Variants in SCFD2 observed in about 807,000 individuals in gnomAD.
SCFD2 encodes the protein sec1 family domain containing 2.
Under a neutral mutation model 58.9 loss-of-function variants are expected in SCFD2, and 54 were observed. That is an observed-to-expected ratio of 0.92 (90% CI 0.74 to 1.15). The LOEUF (loss-of-function observed/expected upper bound fraction) is 1.15, where lower values mean the gene tolerates loss of function less well. Ranked by LOEUF, SCFD2 falls within the 50% of genes most tolerant of loss-of-function variation. The pLI, the probability that SCFD2 is intolerant of heterozygous loss-of-function variation, is 0.00. For missense variants in SCFD2, 805 were observed against 836.6 expected, an observed-to-expected ratio of 0.96 and a Z score of 0.47; for synonymous variants, 321 against 335.9, an observed-to-expected ratio of 0.96 and a Z score of 0.49.
intron 4 of SCFD2, among the ~76,000 whole-genome samples, chr4:53,227,127 CTCTTA>C (rs2149001548): frequency 6.6e-6 from 1 of 152,234 alleles, no homozygotes; most frequent in African/African-American, 2.4e-5. Flanking sequence ...CTCCTCTGGC[CTCTTA>C]TCTGAGCATC....
At position 53,365,840 on chromosome 4, in the gene SCFD2, C is replaced by A. The variant is rs201405213; in HGVS notation, c.102G>T (p.Glu34Asp). The change falls in exon 1 of 9, where the codon GAG becomes GAT. Residue 34 changes from glutamate (E) to aspartate (D), a missense_variant. This residue lies in a region of SCFD2 where 155 missense variants were observed against 149.7 expected (regional missense o/e 1.04). Transcript: ENST00000401642. The surrounding 1 kb of genome is among the most constrained non-coding windows in gnomAD (Gnocchi z 4.3). ...AVVYLDAACA[E>D]SLHWGCGSTR... ...TGGATCCGCAGCCCCAGTGCAGGCTCTCGGCGCAGGCGGCGTCCAGGTAAA... is the reference window on the plus strand; with the variant it reads ...TGGATCCGCAGCCCCAGTGCAGGCTATCGGCGCAGGCGGCGTCCAGGTAAA... The A allele has an allele frequency of 6.2e-7, 1 of 1,613,734 alleles. No homozygotes were observed. The highest frequency in any genetic ancestry group is 1.7e-5 in the Admixed American group (1 of 60,000).
chr4:53,355,236 A>G (rs77453155), intron 1 of SCFD2, among the ~76,000 whole-genome samples: 1 of 152,224 alleles, frequency 6.6e-6, no homozygotes, highest in African/African-American at 2.4e-5. Flanking sequence ...TGAAATGAAC[A>G]GAGATCATTC....
rs551760384 is a variant in SCFD2 at position 53,099,503 on chromosome 4, T to C, written c.1561+45830A>G. Among the ~76,000 whole-genome samples the C allele has an allele frequency of 9.8e-5, 15 of 152,334 alleles. No individual in the cohort carries two copies. In the South Asian group the frequency reaches 2.7e-3, roughly 27 times the overall value. On this transcript the variant is annotated intron_variant, in intron 5 of 8. Transcript: ENST00000401642. Reference sequence around the variant, plus strand: ...AAGAGGTTTATTTTGCTCAAGGTTCTGCAGGTTGTACAAGACGCATGGCGC... The same window carrying C: ...AAGAGGTTTATTTTGCTCAAGGTTCCGCAGGTTGTACAAGACGCATGGCGC...
intron 5 of SCFD2, among the ~76,000 whole-genome samples, chr4:52,971,219 G>A (rs953822259): frequency 5.3e-5 from 8 of 152,088 alleles, no homozygotes; most frequent in Non-Finnish European, 1.0e-4. Flanking sequence ...AAACTACTCC[G>A]AGCAAAAGGA....
intron 5 of SCFD2, among the ~76,000 whole-genome samples, chr4:52,969,277 G>A (rs572346897): frequency 5.9e-5 from 9 of 152,160 alleles, no homozygotes; most frequent in Non-Finnish European, 1.2e-4. Flanking sequence ...TACCTTTATG[G>A]TTCTGAATAA....
At chr4:52,985,620 A>C (rs1577880188) in intron 5 of SCFD2, among the ~76,000 whole-genome samples, 1 of 138,142 alleles carries the variant, frequency 7.2e-6, no homozygotes, top group East Asian at 2.1e-4. Context: ...ACGTATCTGA[A>C]AAACTTCCTT....
At chr4:53,083,530 A>G (rs1245760129) in intron 5 of SCFD2, among the ~76,000 whole-genome samples, 1 of 152,218 alleles carries the variant, frequency 6.6e-6, no homozygotes, top group African/African-American at 2.4e-5. Flanking sequence ...TCTCTGATAA[A>G]TATTGATGCA....
At chr4:53,250,444 A>G (rs181916885) in intron 4 of SCFD2, among the ~76,000 whole-genome samples, 1 of 152,184 alleles carries the variant, frequency 6.6e-6, no homozygotes, top group Non-Finnish European at 1.5e-5. Flanking sequence ...CTCTGCACCA[A>G]GCACACCTAA....
intron 5 of SCFD2, among the ~76,000 whole-genome samples, chr4:53,078,465 C>G (rs1242716483): frequency 6.6e-6 from 1 of 152,164 alleles, no homozygotes; most frequent in East Asian, 1.9e-4. Context: ...AAGACACAAT[C>G]TATAATTTAA....
At chr4:53,295,231 C>T (rs148483096) in intron 3 of SCFD2, among the ~76,000 whole-genome samples, 1,603 of 152,152 alleles carry the variant, frequency 0.011, 6 homozygotes, top group Non-Finnish European at 0.016. Context: ...TTACTGTGGG[C>T]AGTATGATCA....
At chr4:53,332,653 C>A (rs1423531627) in intron 2 of SCFD2, among the ~76,000 whole-genome samples, 2 of 152,074 alleles carry the variant, frequency 1.3e-5, no homozygotes, top group Admixed American at 6.6e-5. Context: ...ACTGAATGGG[C>A]AAAAACTGGA....
chr4:53,342,061 A>T (rs1486239867), intron 2 of SCFD2, among the ~76,000 whole-genome samples: 1 of 152,232 alleles, frequency 6.6e-6, no homozygotes, highest in Non-Finnish European at 1.5e-5. Flanking sequence ...AATGGACAAA[A>T]TAACCAGCTA....
At chr4:53,236,785 T>A (rs576320006) in intron 4 of SCFD2, among the ~76,000 whole-genome samples, 3 of 150,828 alleles carry the variant, frequency 2.0e-5, no homozygotes, top group African/African-American at 7.3e-5. Flanking sequence ...TCTGTCATGA[T>A]TTCTAACTAC....
At chr4:53,218,318 T>C (rs568829039) in intron 4 of SCFD2, among the ~76,000 whole-genome samples, 1 of 152,344 alleles carries the variant, frequency 6.6e-6, no homozygotes, top group Non-Finnish European at 1.5e-5. Context: ...ATGTCCCATA[T>C]TTCTTGGAAG....
chr4:52,892,798 C>G (rs557423946), intron 7 of SCFD2, among the ~76,000 whole-genome samples: 6 of 152,284 alleles, frequency 3.9e-5, no homozygotes, highest in Admixed American at 3.9e-4. Context: ...GGTAGGGAAC[C>G]TGGTTTGTCT....
intron 5 of SCFD2, among the ~76,000 whole-genome samples, chr4:53,142,500 C>T (rs897175426): frequency 3.3e-5 from 5 of 152,192 alleles, no homozygotes; most frequent in African/African-American, 9.7e-5. Context: ...GCAAACCTTA[C>T]GCCAACTTTC....
intron 3 of SCFD2, among the ~76,000 whole-genome samples, chr4:53,287,842 C>A (rs1480723325): frequency 6.6e-6 from 1 of 151,862 alleles, no homozygotes; most frequent in Non-Finnish European, 1.5e-5. Flanking sequence ...TTGAATTAAA[C>A]CAGAAAATAA....
intron 4 of SCFD2, among the ~76,000 whole-genome samples, chr4:53,225,967 T>A (rs1214791113): frequency 6.6e-6 from 1 of 152,180 alleles, no homozygotes; most frequent in Non-Finnish European, 1.5e-5. Context: ...TTTTTAATTT[T>A]TTTAAATTTA....
At chr4:52,883,401 T>C (rs1718665561) in intron 8 of SCFD2, among the ~76,000 whole-genome samples, 1 of 152,212 alleles carries the variant, frequency 6.6e-6, no homozygotes, top group African/African-American at 2.4e-5. Flanking sequence ...CTGAGGAATC[T>C]TCCTAGGGCC....
Sources: gnomAD v4.1 joint callset for allele counts (sites outside exome capture counted in the v4.1 genomes callset) on GRCh38, gnomAD v4.1.1 for gene constraint, gnomAD v4.1.1 regional missense constraint, Gnocchi (gnomAD v3.1) non-coding constraint, MANE v1.5 for transcripts, NCBI Gene and HGNC (gene_info 2026-07-23, HGNC 2026-07-21) for gene names.